Variants in C1orf21 observed in about 807,000 individuals in gnomAD.
The protein encoded by C1orf21 is chromosome 1 open reading frame 21.
A neutral mutation model predicts 18.7 loss-of-function variants in C1orf21; 3 were observed. That is an observed-to-expected ratio of 0.16 (90% CI 0.07 to 0.42). C1orf21 has a LOEUF of 0.42. C1orf21 is among the 10% of genes least tolerant of loss of function. The probability of loss-of-function intolerance (pLI) is 0.99; values close to 1 mark genes in which losing one functional copy is unlikely to be tolerated. For missense variants in C1orf21, 104 were observed against 143.6 expected (o/e 0.72, Z 1.41); for synonymous variants, 41 against 46.4 (o/e 0.88, Z 0.47).
intron 2 of C1orf21, among the ~76,000 whole-genome samples, chr1:184,504,970 G>A (rs1658032148): frequency 6.6e-6 from 1 of 152,170 alleles, no homozygotes; most frequent in Non-Finnish European, 1.5e-5. Flanking sequence ...AAGTCATGTA[G>A]CCAGTAGCTT....
At chr1:184,515,577 G>A (rs1207983921) in intron 3 of C1orf21, among the ~76,000 whole-genome samples, 2 of 152,144 alleles carry the variant, frequency 1.3e-5, no homozygotes, top group Admixed American at 6.5e-5. Context: ...CCTCTCTAAA[G>A]TAAGTATTTT....
intron 3 of C1orf21, among the ~76,000 whole-genome samples, chr1:184,575,687 A>G (rs1659176410): frequency 1.3e-5 from 2 of 151,624 alleles, no homozygotes; most frequent in South Asian, 2.1e-4. Context: ...TTTTATATCT[A>G]TGTATACTAA....
At chr1:184,452,939 T>C (rs1657144249) in intron 1 of C1orf21, among the ~76,000 whole-genome samples, 1 of 152,188 alleles carries the variant, frequency 6.6e-6, no homozygotes, top group Admixed American at 6.5e-5. Context: ...CCTGGTATCA[T>C]GAGGAGAAAA....
intron 3 of C1orf21, among the ~76,000 whole-genome samples, chr1:184,533,965 A>G (rs556092620): frequency 3.9e-5 from 6 of 152,354 alleles, no homozygotes; most frequent in Non-Finnish European, 7.4e-5. Flanking sequence ...GAGTAAAGTC[A>G]TGTGAATGGT....
At chr1:184,495,418 T>TA (rs1657876992) in intron 2 of C1orf21, among the ~76,000 whole-genome samples, 1 of 152,156 alleles carries the variant, frequency 6.6e-6, no homozygotes, top group South Asian at 2.1e-4. Flanking sequence ...ACAGAACAAA[T>TA]ACGCAAATGA....
At chr1:184,422,347 A>G (rs1571350537) in intron 1 of C1orf21, among the ~76,000 whole-genome samples, 2 of 152,216 alleles carry the variant, frequency 1.3e-5, no homozygotes, top group African/African-American at 4.8e-5. Context: ...AAGTAGCTTA[A>G]TAATAAGCAA....
chr1:184,566,855 G>C (rs572427857), intron 3 of C1orf21: 21 of 491,092 alleles, frequency 4.3e-5, no homozygotes, highest in Admixed American at 3.7e-4. Context: ...AATGCTCGAT[G>C]GAGTCAATGT....
In C1orf21 at chr1:184,510,696, C is replaced by T. The variant is rs114478367; in HGVS notation, c.189+3014C>T. Among the ~76,000 whole-genome samples the T allele has an allele frequency of 2.6e-3, 403 of 152,272 alleles. 1 individual carries two copies. The highest frequency in any genetic ancestry group is 9.2e-3 in the African/African-American group (384 of 41,562). ...GCAGTGGGAGATTAGAATCAAAACC[C>T]AGATGGGCTAATGTATAGAGCCTTA... On this transcript the variant is annotated intron_variant, in intron 3 of 5. Coordinates refer to ENST00000235307, the MANE Select transcript of C1orf21 (RefSeq NM_030806.4).
chr1:184,444,145 G>C (rs1051384082), intron 1 of C1orf21, among the ~76,000 whole-genome samples: 2 of 152,084 alleles, frequency 1.3e-5, no homozygotes, highest in Non-Finnish European at 2.9e-5. Context: ...CTCTGCAAAG[G>C]AAGATTTTAA....
At chr1:184,388,950 C>G (rs1211797931) in intron 1 of C1orf21, among the ~76,000 whole-genome samples, 1 of 152,042 alleles carries the variant, frequency 6.6e-6, no homozygotes, top group Non-Finnish European at 1.5e-5. Flanking sequence ...AGAACATGTT[C>G]CATGTTGGCT....
intron 1 of C1orf21, among the ~76,000 whole-genome samples, chr1:184,455,886 A>T (rs575819385): frequency 2.0e-5 from 3 of 152,222 alleles, no homozygotes; most frequent in Non-Finnish European, 4.4e-5. Flanking sequence ...TTCTCTATGT[A>T]TAGGTGTAGA....
At chr1:184,438,992 C>T (rs1460686067) in intron 1 of C1orf21, among the ~76,000 whole-genome samples, 1 of 152,150 alleles carries the variant, frequency 6.6e-6, no homozygotes, top group Admixed American at 6.5e-5. Flanking sequence ...AGGTGAATCA[C>T]CTGAGGTCAG....
At chr1:184,481,216 GA>G (rs1657649366) in intron 2 of C1orf21, among the ~76,000 whole-genome samples, 1 of 152,170 alleles carries the variant, frequency 6.6e-6, no homozygotes, top group African/African-American at 2.4e-5. Flanking sequence ...TTGGTTACAA[GA>G]CAACTTGAAG....
chr1:184,536,265 A>G (rs1358604648), intron 3 of C1orf21, among the ~76,000 whole-genome samples: 10 of 152,172 alleles, frequency 6.6e-5, no homozygotes, highest in Non-Finnish European at 1.5e-4. Flanking sequence ...GTTGGCGTAC[A>G]CACTCTAAGA....
At chr1:184,462,617 A>G (rs1547607) in intron 1 of C1orf21, among the ~76,000 whole-genome samples, 151,218 of 152,260 alleles carry the variant, frequency 0.99, 75,098 homozygotes, top group East Asian at 1. Context: ...GGTATTTATG[A>G]TCGAAAGCAG....
At chr1:184,606,434 G>A (rs934709409) in intron 5 of C1orf21, among the ~76,000 whole-genome samples, 1 of 152,158 alleles carries the variant, frequency 6.6e-6, no homozygotes, top group South Asian at 2.1e-4. Context: ...ATAAAAATTA[G>A]CCAGGTATGG....
intron 1 of C1orf21, among the ~76,000 whole-genome samples, chr1:184,446,114 T>C (rs1303027363): frequency 6.6e-6 from 1 of 152,180 alleles, no homozygotes; most frequent in East Asian, 1.9e-4. Context: ...TCAAAGTAAA[T>C]GCAAAGCAAT....
At position 184,437,358 on chromosome 1, in the gene C1orf21, G is replaced by A. The variant is rs17490656; in HGVS notation, c.-124-40028G>A. On this transcript the variant is annotated intron_variant, in intron 1 of 5. Coordinates refer to ENST00000235307, the MANE Select transcript of C1orf21 (RefSeq NM_030806.4). Reference sequence around the variant, plus strand: ...TATTTCAGCAAAACCAACAGCCATCGATCAGGAAATCCTTGTCTCATAAGA... The same window carrying A: ...TATTTCAGCAAAACCAACAGCCATCAATCAGGAAATCCTTGTCTCATAAGA... 4.1e-3 allele frequency among the ~76,000 whole-genome samples: 625 copies of A among 152,206 alleles called. 1 individual carries two copies. Among genetic ancestry groups the A allele is most frequent in the Non-Finnish European group, 7.1e-3 (480 of 68,006 alleles).
chr1:184,426,484 G>A (rs964892576), intron 1 of C1orf21, among the ~76,000 whole-genome samples: 5 of 152,118 alleles, frequency 3.3e-5, no homozygotes, highest in East Asian at 1.9e-4. Flanking sequence ...TCTGGGGTAC[G>A]CTCCACCCTA....
Sources: allele counts gnomAD v4.1 joint callset (sites outside exome capture counted in the v4.1 genomes callset), GRCh38; gene constraint gnomAD v4.1.1; transcripts MANE v1.5; gene names NCBI Gene and HGNC (gene_info 2026-07-23, HGNC 2026-07-21).